The following OTX2 variants were observed in gnomAD, a reference collection of about 807,000 sequenced individuals.
OTX2 encodes orthodenticle homeobox 2, also known as homeobox protein OTX2.
Under a neutral mutation model 29.0 loss-of-function variants are expected in OTX2, and 4 were observed. The ratio of observed to expected loss-of-function variants is 0.14; its 90% CI spans 0.07 to 0.32. The LOEUF (loss-of-function observed/expected upper bound fraction) is 0.32, where lower values mean the gene tolerates loss of function less well. OTX2 is among the 10% of genes least tolerant of loss of function. The probability of loss-of-function intolerance (pLI) is 1.00; values close to 1 mark genes in which losing one functional copy is unlikely to be tolerated. For synonymous variants in OTX2, 134 were observed against 141.0 expected (o/e 0.95, Z 0.35); for missense variants, 298 against 365.9 (o/e 0.81, Z 1.51).
At position 56,802,353 on chromosome 14, in the gene OTX2, T is replaced by C; in HGVS notation, c.276A>G (p.Val92=). 4.3e-6 allele frequency: 7 copies of C among 1,614,146 alleles called. No homozygotes were observed. Among genetic ancestry groups the C allele is most frequent in the South Asian group, 2.2e-5 (2 of 91,084 alleles). The change falls in exon 5 of 5, where the codon GTA becomes GTG. Residue 92 remains valine, a splice_region_variant and synonymous_variant. Coordinates refer to ENST00000672264, the MANE Select transcript of OTX2 (RefSeq NM_021728.4). The surrounding 1 kb of genome is among the most constrained non-coding windows in gnomAD (Gnocchi z 4.4). The stretch of plus-strand genomic sequence containing the variant: ...ACTTAGCTCTTCGATTCTTAAACCA[T>C]ACCTTGGAAGGGAAAGAAAATTCTT... ...KINLPESRVQ[V]WFKNRRAKCR...
intron 2 of OTX2, among the ~76,000 whole-genome samples, chr14:56,809,721 T>C (rs1892212682): frequency 6.6e-6 from 1 of 152,186 alleles, no homozygotes; most frequent in African/African-American, 2.4e-5. Context: ...TCTAGTTACA[T>C]CTGCATCTTT....
At position 56,802,110 on chromosome 14, in the gene OTX2, G is replaced by A. The variant is rs868464317; in HGVS notation, c.519C>T (p.Ser173=). Residue 173 remains serine, a synonymous_variant, in exon 5 of 5, where the codon TCC becomes TCT. Coordinates refer to ENST00000672264, the MANE Select transcript of OTX2 (RefSeq NM_021728.4). The surrounding 1 kb of genome is among the most constrained non-coding windows in gnomAD (Gnocchi z 4.4). ...ACCTCTGCATGCAGGAAGAGGAGGT[G>A]GACAAGGGATCTGACAGTGGGGAGA... ...ASISPLSDPL[S]TSSSCMQRSY... 1 of 1,614,152 alleles carries A rather than the reference G, an allele frequency of 6.2e-7. No individual in the cohort carries two copies. The highest frequency in any genetic ancestry group is 8.5e-7 in the Non-Finnish European group (1 of 1,180,034).
rs1892028853 is a variant in OTX2 at position 56,804,976 on chromosome 14, G to A, written c.97+384C>T. 6.6e-6 allele frequency among the ~76,000 whole-genome samples: 1 copy of A among 152,136 alleles called. No individual in the cohort carries two copies. The highest frequency in any genetic ancestry group is 1.5e-5 in the Non-Finnish European group (1 of 68,038). On this transcript the variant is annotated intron_variant, in intron 3 of 4. Transcript: ENST00000672264. This position sits in a 1 kb window ranked among gnomAD's most constrained non-coding sequence, Gnocchi z 4.1. ...CCGAGAGTGCTAAGGACTTACGGAG[G>A]GAAAACTCAGCTTCTCCAAGAGGAC... is the stretch of plus-strand genomic sequence containing the variant.
chr14:56,800,118 C>T lies in OTX2; in HGVS notation c.*1617G>A, dbSNP rs1027529086. The T allele has an allele frequency of 6.6e-6, 1 of 152,128 alleles. No individual in the cohort carries two copies. Among genetic ancestry groups the T allele is most frequent in the Non-Finnish European group, 1.5e-5 (1 of 68,022 alleles). 9.4% of individuals were successfully genotyped at this position (152,128 alleles called of 1,614,324 possible). On this transcript the variant is annotated 3_prime_UTR_variant, in exon 5 of 5. Coordinates refer to ENST00000672264, the MANE Select transcript of OTX2 (RefSeq NM_021728.4). ...CCCATTTTTTCCCCCTCGGCACTTT[C>T]TTAAACACATACACACAAACTGACC...
chr14:56,805,798 C>T (rs1456521206), intron 2 of OTX2: 1 of 204,814 alleles, frequency 4.9e-6, no homozygotes, highest in Non-Finnish European at 9.4e-6. Flanking sequence ...TCTTCCCCAC[C>T]CCCACCCTAA....
rs1891992258 is a variant in OTX2 at position 56,804,163 on chromosome 14, A to G, written c.273+25T>C. 6.2e-7 allele frequency: 1 copy of G among 1,613,766 alleles called. No homozygotes were observed. On this transcript the variant is annotated intron_variant, in intron 4 of 4. Coordinates refer to ENST00000672264, the MANE Select transcript of OTX2 (RefSeq NM_021728.4). The surrounding 1 kb of genome is among the most constrained non-coding windows in gnomAD (Gnocchi z 4.1). ...GGGAAGGGTGGCATGATCAGGAAGG[A>G]TGGTTCTGCCTGCATCTGCCCTACC...
chr14:56,802,517 G>T lies in OTX2; in HGVS notation c.274-162C>A, dbSNP rs1256726235. Among the ~76,000 whole-genome samples, 1 of 152,120 alleles carries T rather than the reference G, an allele frequency of 6.6e-6. No homozygotes were observed. The highest frequency in any genetic ancestry group is 2.4e-5 in the African/African-American group (1 of 41,420). On this transcript the variant is annotated intron_variant, in intron 4 of 4. Coordinates refer to ENST00000672264, the MANE Select transcript of OTX2 (RefSeq NM_021728.4). The surrounding 1 kb of genome is among the most constrained non-coding windows in gnomAD (Gnocchi z 4.4). ...TGTGGTACTCTCATATAAACTCCTG[G>T]ACTTGTAAGAAAGTTGGGGAGGCTC... is the stretch of plus-strand genomic sequence containing the variant.
Position 56,799,905 on chromosome 14 carries a change from T to C in OTX2, c.*1830A>G, listed in dbSNP as rs1891818730. 1 of 152,284 alleles carries C rather than the reference T, an allele frequency of 6.6e-6. No homozygotes were observed. Among genetic ancestry groups the C allele is most frequent in the East Asian group, 1.9e-4 (1 of 5,182 alleles). The allele number at this position is 152,284 out of a possible 1,614,324, so 9.4% of individuals were successfully genotyped here. ...AAAATGAAATAGCCAGAAAACAAAA[T>C]GGTTGCAACTGCTAACCTTCATTTA... On this transcript the variant is annotated 3_prime_UTR_variant, in exon 5 of 5. Coordinates refer to ENST00000672264, the MANE Select transcript of OTX2 (RefSeq NM_021728.4).
chr14:56,804,422 C>G lies in OTX2; in HGVS notation c.98-59G>C, dbSNP rs1038613318. ...GCGTTTCCGCGGGTTCTCCGACGCC[C>G]CTGCCCTCCACCCCGCAGCAGTCCC... On this transcript the variant is annotated intron_variant, in intron 3 of 4. Coordinates refer to ENST00000672264, the MANE Select transcript of OTX2 (RefSeq NM_021728.4). This position sits in a 1 kb window ranked among gnomAD's most constrained non-coding sequence, Gnocchi z 4.1. 1.3e-6 allele frequency: 2 copies of G among 1,498,892 alleles called. No individual in the cohort carries two copies. The highest frequency in any genetic ancestry group is 1.8e-5 in the Admixed American group (1 of 55,116). The allele number at this position is 1,498,892 out of a possible 1,614,324, so 92.8% of individuals were successfully genotyped here.
Position 56,800,059 on chromosome 14 carries a change from T to C in OTX2, c.*1676A>G, listed in dbSNP as rs2139524035. 6.6e-6 allele frequency: 1 copy of C among 152,344 alleles called. No homozygotes were observed. Among genetic ancestry groups the C allele is most frequent in the South Asian group, 2.1e-4 (1 of 4,822 alleles). 9.4% of individuals were successfully genotyped at this position (152,344 alleles called of 1,614,324 possible). Reference sequence around the variant, plus strand: ...TGGCCCATTTGTCTTTTCTGGTGACTGGTTTACAAAATGCAGGTACAACTG... The same window carrying C: ...TGGCCCATTTGTCTTTTCTGGTGACCGGTTTACAAAATGCAGGTACAACTG... On this transcript the variant is annotated 3_prime_UTR_variant, in exon 5 of 5. Coordinates refer to ENST00000672264, the MANE Select transcript of OTX2 (RefSeq NM_021728.4).
chr14:56,805,539 T>C lies in OTX2; in HGVS notation c.-83A>G. 1.2e-6 allele frequency: 1 copy of C among 823,348 alleles called. No homozygotes were observed. 51.0% of individuals were successfully genotyped at this position (823,348 alleles called of 1,614,324 possible). ...TCTTGATGCGCCCGGGGTGGACAGG[T>C]TCAGAGTCCTTGGTGGGTGGGTTTG... On this transcript the variant is annotated 5_prime_UTR_variant, in exon 3 of 5. Coordinates refer to ENST00000672264, the MANE Select transcript of OTX2 (RefSeq NM_021728.4).
At chr14:56,807,522 A>C (rs1184941260) in intron 2 of OTX2, among the ~76,000 whole-genome samples, 1 of 152,212 alleles carries the variant, frequency 6.6e-6, no homozygotes, top group African/African-American at 2.4e-5. Context: ...ATAAAGTAGC[A>C]CATTCCAACA....
chr14:56,810,058 C>G (rs1892222922), intron 2 of OTX2, 101 bp downstream of exon 2: 1 of 152,180 alleles, frequency 6.6e-6, no homozygotes, highest in Non-Finnish European at 1.5e-5. Flanking sequence ...ACTCCACGTT[C>G]GCAGAGGGGC....
Position 56,804,431 on chromosome 14 carries a change from C to T in OTX2, c.98-68G>A, listed in dbSNP as rs1892006780. 3 of 1,419,232 alleles carry T rather than the reference C, an allele frequency of 2.1e-6. No individual in the cohort carries two copies. Among genetic ancestry groups the T allele is most frequent in the Non-Finnish European group, 2.9e-6 (3 of 1,042,592 alleles). The allele number at this position is 1,419,232 out of a possible 1,614,324, so 87.9% of individuals were successfully genotyped here. On this transcript the variant is annotated intron_variant, in intron 3 of 4. Coordinates refer to ENST00000672264, the MANE Select transcript of OTX2 (RefSeq NM_021728.4). The surrounding 1 kb of genome is among the most constrained non-coding windows in gnomAD (Gnocchi z 4.1). Reference sequence around the variant, plus strand: ...CGGGTTCTCCGACGCCCCTGCCCTCCACCCCGCAGCAGTCCCCCGTTCCTC... The same window carrying T: ...CGGGTTCTCCGACGCCCCTGCCCTCTACCCCGCAGCAGTCCCCCGTTCCTC...
Position 56,802,142 on chromosome 14 carries a change from C to T in OTX2, c.487G>A (p.Ala163Thr), listed in dbSNP as rs1173013598. ...SSAPVSIWSP[A>T]SISPLSDPLS... Reference sequence around the variant, plus strand: ...GGATCTGACAGTGGGGAGATGGAAGCTGGGCTCCAGATAGACACAGGAGCA... The same window carrying T: ...GGATCTGACAGTGGGGAGATGGAAGTTGGGCTCCAGATAGACACAGGAGCA... Residue 163 changes from alanine (A) to threonine (T), a missense_variant, in exon 5 of 5, where the codon GCT becomes ACT. Coordinates refer to ENST00000672264, the MANE Select transcript of OTX2 (RefSeq NM_021728.4). This position sits in a 1 kb window ranked among gnomAD's most constrained non-coding sequence, Gnocchi z 4.4. 3.7e-6 allele frequency: 6 copies of T among 1,614,132 alleles called. No homozygotes were observed. Among genetic ancestry groups the T allele is most frequent in the Non-Finnish European group, 3.4e-6 (4 of 1,180,004 alleles).
chr14:56,808,262 G>A (rs1401339704), intron 2 of OTX2, among the ~76,000 whole-genome samples: 1 of 152,154 alleles, frequency 6.6e-6, no homozygotes, highest in Non-Finnish European at 1.5e-5. Flanking sequence ...TTAATTACAG[G>A]CCGCCATGCT....
chr14:56,804,294 G>A lies in OTX2; in HGVS notation c.167C>T (p.Ala56Val). ...CAGTGCTTCCAGCACATCTAGCTGC[G>A]CCCGAGTGAACGTCGTCCTCTCCCG... ...QRRERTTFTRAQLDVLEALFA... is the reference protein window; with the variant it reads ...QRRERTTFTRVQLDVLEALFA... The change falls in exon 4 of 5, where the codon GCG becomes GTG. Residue 56 changes from alanine to valine, a missense_variant. Around this residue, in one of 3 missense-constraint regions of OTX2, gnomAD observed 29 missense variants for 84.7 expected, o/e 0.34. Transcript: ENST00000672264. The surrounding 1 kb of genome is among the most constrained non-coding windows in gnomAD (Gnocchi z 4.1). The A allele has an allele frequency of 1.2e-6, 2 of 1,614,108 alleles. No homozygotes were observed. The highest frequency in any genetic ancestry group is 1.1e-5 in the South Asian group (1 of 91,082).
rs771687556 is a variant in OTX2, at chr14:56,805,399, A to G, written c.58T>C (p.Ser20Pro). 1 of 1,613,988 alleles carries G rather than the reference A, an allele frequency of 6.2e-7. No homozygotes were observed. The highest frequency in any genetic ancestry group is 8.5e-7 in the Non-Finnish European group (1 of 1,179,906). The change falls in exon 3 of 5, where the codon TCG becomes CCG. Residue 20 changes from serine to proline, a missense_variant. Ser to Pro is a moderately conservative substitution (Grantham distance 74, BLOSUM62 -1). Transcript: ENST00000672264. ...YAVNGLSLTT[S>P]GMDLLHPSVG... ...GAGGGGTGCAGCAAGTCCATACCCG[A>G]AGTGGTCAGACTCAGCCCATTGACT...
intron 2 of OTX2, among the ~76,000 whole-genome samples, chr14:56,807,350 T>C (rs1892122884): frequency 6.6e-6 from 1 of 152,126 alleles, no homozygotes; most frequent in African/African-American, 2.4e-5. Context: ...GCCTCTAAAC[T>C]GGAGATTGGA....
Sources: gnomAD v4.1 joint callset for allele counts (sites outside exome capture counted in the v4.1 genomes callset) on GRCh38, gnomAD v4.1.1 for gene constraint, gnomAD v4.1.1 regional missense constraint, Gnocchi (gnomAD v3.1) non-coding constraint, MANE v1.5 for transcripts, NCBI Gene and HGNC (gene_info 2026-07-23, HGNC 2026-07-21) for gene names.